Variants in IL1B observed in about 807,000 individuals in gnomAD.
IL1B encodes interleukin-1 beta.
A neutral mutation model predicts 26.2 loss-of-function variants in IL1B; 11 were observed. That is an observed-to-expected ratio of 0.42 (90% confidence interval 0.26 to 0.70). IL1B has a LOEUF of 0.70. IL1B is among the 30% of genes least tolerant of loss of function. IL1B has a pLI of 0.25. For synonymous variants in IL1B, 118 were observed against 120.8 expected, an observed-to-expected ratio of 0.98 and a Z score of 0.15; for missense variants, 255 against 327.5, an observed-to-expected ratio of 0.78 and a Z score of 1.71.
intron 4 of IL1B, 55 bp downstream of exon 4, chr2:112,833,319 G>A: frequency 6.4e-7 from 1 of 1,550,812 alleles, no homozygotes; most frequent in Non-Finnish European, 8.9e-7. Context: ...GCTGGGGCTT[G>A]ATGACTTCCA....
At position 112,831,408 on chromosome 2, in the gene IL1B, A is replaced by T. The variant is rs1156935504; in HGVS notation, c.481T>A (p.Ser161Thr). The change falls in exon 6 of 7, where the codon TCC (serine) becomes ACC (threonine). Residue 161 changes from serine to threonine, a missense_variant. Physicochemically the swap from Ser to Thr is moderately conservative, Grantham distance 58. Coordinates refer to ENST00000263341, the MANE Select transcript of IL1B (RefSeq NM_000576.3). ...TTACTTTCTTCTCCTTGTACAAAGG[A>T]CATGGAGAACACCACTGAAGAAAGA... ...DMEQQVVFSM[S>T]FVQGEESNDK... The T allele has an allele frequency of 6.2e-7, 1 of 1,613,764 alleles. No homozygotes were observed. The highest frequency in any genetic ancestry group is 1.7e-5 in the Admixed American group (1 of 60,024).
At chr2:112,832,541 A>T in intron 5 of IL1B, 121 bp downstream of exon 5, 1 of 1,082,036 alleles carries the variant, frequency 9.2e-7, no homozygotes, top group Non-Finnish European at 1.4e-6. Context: ...ATTCCTTTTT[A>T]ATATTTTTTT....
At chr2:112,830,703 T>A (rs1681967804) in intron 6 of IL1B, 130 bp from the exon 7 acceptor site, 2 of 687,786 alleles carry the variant, frequency 2.9e-6, no homozygotes, top group Admixed American at 4.6e-5. Flanking sequence ...ACTCCTGAGT[T>A]GTAACTGGGC....
chr2:112,834,323 C>T (rs191379321), intron 3 of IL1B, among the ~76,000 whole-genome samples: 14 of 152,334 alleles, frequency 9.2e-5, no homozygotes, highest in Admixed American at 9.2e-4. Flanking sequence ...CCTATGCTCA[C>T]TCAGCAAGTA....
At position 112,833,398 on chromosome 2, in the gene IL1B, A is replaced by T; in HGVS notation, c.277T>A (p.Phe93Ile). The change falls in exon 4 of 7, where the codon TTC (phenylalanine) becomes ATC (isoleucine). Residue 93 changes from phenylalanine (F) to isoleucine (I), a missense_variant. By Grantham distance (21) the Phe-to-Ile change is conservative. Coordinates refer to ENST00000263341, the MANE Select transcript of IL1B (RefSeq NM_000576.3). ...CCTTCTTCAAAGATGAAGGGAAAGA[A>T]GGTGCTCAGGTCATTCTCCTGGAAG... ...QTFQENDLSTFFPFIFEEEPI... is the reference protein window; with the variant it reads ...QTFQENDLSTIFPFIFEEEPI... The T allele has an allele frequency of 6.2e-7, 1 of 1,614,186 alleles. No individual in the cohort carries two copies. Among genetic ancestry groups the T allele is most frequent in the Non-Finnish European group, 8.5e-7 (1 of 1,180,028 alleles).
chr2:112,833,069 G>A, intron 4 of IL1B: 1 of 606,750 alleles, frequency 1.6e-6, no homozygotes, highest in Non-Finnish European at 2.9e-6. Context: ...GAGCTACTTA[G>A]GTAAAATGGT....
chr2:112,834,521 TAA>T (rs1682050290), intron 3 of IL1B, among the ~76,000 whole-genome samples: 2 of 152,182 alleles, frequency 1.3e-5, no homozygotes, highest in Admixed American at 6.5e-5. Flanking sequence ...GAAAGACAGT[TAA>T]AGAGACCTGT....
chr2:112,832,259 G>A (rs1241857704), intron 5 of IL1B, among the ~76,000 whole-genome samples: 1 of 152,188 alleles, frequency 6.6e-6, no homozygotes, highest in African/African-American at 2.4e-5. Context: ...GGGGCAAGGG[G>A]GGAAGACTGG....
intron 3 of IL1B, among the ~76,000 whole-genome samples, 159 bp from the exon 4 acceptor site, chr2:112,833,734 C>A (rs1357088263): frequency 6.6e-6 from 1 of 152,160 alleles, no homozygotes; most frequent in African/African-American, 2.4e-5. Flanking sequence ...TGGCTCATGC[C>A]TGTAATCCCA....
At position 112,833,355 on chromosome 2, in the gene IL1B, C is replaced by CCT; in HGVS notation, c.301+17_301+18dup. On this transcript the variant is annotated intron_variant, in intron 4 of 6. Transcript: ENST00000263341. ...AGAGGACACAAGTGGAGATCTACTG[C>CCT]CTGCTCTTGGCTAACTACCTTCTTC... 1.9e-6 allele frequency: 3 copies of CCT among 1,610,572 alleles called. No individual in the cohort carries two copies. The highest frequency in any genetic ancestry group is 2.5e-6 in the Non-Finnish European group (3 of 1,176,978).
At chr2:112,836,382 T>C in intron 1 of IL1B, 138 bp from the exon 2 acceptor site, 2 of 702,608 alleles carry the variant, frequency 2.8e-6, no homozygotes, top group South Asian at 1.5e-5. Context: ...AGAGAAGTCC[T>C]TTGGGTCTAG....
chr2:112,836,162 G>A, intron 2 of IL1B, 21 bp downstream of exon 2: 1 of 1,610,644 alleles, frequency 6.2e-7, no homozygotes, highest in Non-Finnish European at 8.5e-7. Context: ...TCATGTTACT[G>A]GTCTCAGCGT....
At chr2:112,830,735 T>C (rs1272398477) in intron 6 of IL1B, among the ~76,000 whole-genome samples, 162 bp from the exon 7 acceptor site, 1 of 152,128 alleles carries the variant, frequency 6.6e-6, no homozygotes. Context: ...CGTGTGATTA[T>C]TAAAAGAGCC....
rs1363848959 is a variant in IL1B, at chr2:112,833,937, A to G, written c.100-362T>C. On this transcript the variant is annotated intron_variant, in intron 3 of 6. Coordinates refer to ENST00000263341, the MANE Select transcript of IL1B (RefSeq NM_000576.3). ...GAACTCAGGAGGTGGAGGATGCAGT[A>G]AGCCAAGATTGTACCACTGCACTCC... Among the ~76,000 whole-genome samples, 3 of 152,172 alleles carry G rather than the reference A, an allele frequency of 2.0e-5. 1 individual carries two copies. The highest frequency in any genetic ancestry group is 4.2e-4 in the South Asian group (2 of 4,818).
At chr2:112,835,092 T>C in intron 3 of IL1B, 1 of 189,108 alleles carries the variant, frequency 5.3e-6, no homozygotes, top group South Asian at 1.0e-4. Flanking sequence ...CTTTCAAGTC[T>C]CAATTCATCT....
chr2:112,831,452 G>A, intron 5 of IL1B, 30 bp from the exon 6 acceptor site: 1 of 1,611,282 alleles, frequency 6.2e-7, no homozygotes, highest in Non-Finnish European at 8.5e-7. Flanking sequence ...TTGTGGTTAG[G>A]GACACAGCAG....
intron 3 of IL1B, 104 bp from the exon 4 acceptor site, chr2:112,833,679 G>T: frequency 9.2e-7 from 1 of 1,090,894 alleles, no homozygotes; most frequent in Non-Finnish European, 1.4e-6. Flanking sequence ...GGGCTTGAAA[G>T]AATCCCGAGC....
At chr2:112,832,221 C>A (rs1289666650) in intron 5 of IL1B, among the ~76,000 whole-genome samples, 1 of 152,158 alleles carries the variant, frequency 6.6e-6, no homozygotes, top group African/African-American at 2.4e-5. Context: ...CTACAAGGAA[C>A]CACCTGGCAT....
At chr2:112,833,272 A>G (rs531892312) in intron 4 of IL1B, 102 bp downstream of exon 4, 1 of 1,123,778 alleles carries the variant, frequency 8.9e-7, no homozygotes, top group East Asian at 2.4e-5. Flanking sequence ...TGGGCCTTCT[A>G]CCTTTAAAGG....
Sources: allele counts gnomAD v4.1 joint callset (sites outside exome capture counted in the v4.1 genomes callset), GRCh38; gene constraint gnomAD v4.1.1; transcripts MANE v1.5; gene names NCBI Gene and HGNC (gene_info 2026-07-23, HGNC 2026-07-21).